SYNE1: variants seen among roughly 807,000 people sequenced by gnomAD.
The protein encoded by SYNE1 is nesprin-1.
SYNE1 carries 616 observed loss-of-function variants against 1,111.0 expected under a neutral mutation model. The observed-to-expected ratio is 0.55, with a 90% CI of 0.52 to 0.59. The LOEUF (loss-of-function observed/expected upper bound fraction) is 0.59, where lower values mean the gene tolerates loss of function less well. SYNE1 is among the 20% of genes least tolerant of loss of function. The probability of loss-of-function intolerance (pLI) is 0.00; values close to 1 mark genes in which losing one functional copy is unlikely to be tolerated. For synonymous variants in SYNE1, 3,855 were observed against 3,825.8 expected (o/e 1.01, Z -0.28); for missense variants, 10,006 against 10,417.0 (o/e 0.96, Z 1.72).
intron 128 of SYNE1, among the ~76,000 whole-genome samples, chr6:152,182,764 G>A (rs2068477375): frequency 1.3e-5 from 2 of 152,286 alleles, no homozygotes; most frequent in African/African-American, 4.8e-5. Flanking sequence ...GCCAGCCTTA[G>A]GCATAGTGAG....
Position 152,256,726 on chromosome 6 carries a change from G to A in SYNE1, c.19012C>T (p.Leu6338=), listed in dbSNP as rs1459880759. 6.2e-7 allele frequency: 1 copy of A among 1,614,040 alleles called. No individual in the cohort carries two copies. Among genetic ancestry groups the A allele is most frequent in the Non-Finnish European group, 8.5e-7 (1 of 1,179,930 alleles). ...RPNRLLSGVP[L]YKGDVPTQDK... is the part of the protein sequence containing the mutation. ...TGGGTTGGCACGTCCCCTTTGTACA[G>A]TGGCACACCAGACAAGAGTCGATTT... Residue 6338 remains leucine (L), a synonymous_variant, in exon 102 of 146, where the codon CTG becomes TTG. Coordinates refer to ENST00000367255, the MANE Select transcript of SYNE1 (RefSeq NM_182961.4).
chr6:152,180,385 TG>T, intron 128 of SYNE1, 91 bp from the exon 129 acceptor site: 3 of 1,243,120 alleles, frequency 2.4e-6, no homozygotes, highest in Non-Finnish European at 3.5e-6. Context: ...AGGACTAAAA[TG>T]AATGATAGTC....
intron 145 of SYNE1, chr6:152,129,151 A>G (rs1358216173): frequency 2.6e-5 from 4 of 152,260 alleles, no homozygotes; most frequent in African/African-American, 4.8e-5. Flanking sequence ...TTGCTGCCCT[A>G]AGAAACGATG....
Position 152,155,329 on chromosome 6 carries a change from C to T in SYNE1, c.23979-287G>A. 2 of 405,060 alleles carry T rather than the reference C, an allele frequency of 4.9e-6. 1 individual carries two copies. The highest frequency in any genetic ancestry group is 4.8e-5 in the South Asian group (2 of 41,656). The allele number at this position is 405,060 out of a possible 1,614,324, so 25.1% of individuals were successfully genotyped here. A position where few individuals can be genotyped will look rare whatever the true frequency, so the allele number is the denominator to read the frequency against. On this transcript the variant is annotated intron_variant, in intron 132 of 145. Transcript: ENST00000367255. ...TCACACGAGCTGCCTTGAATGTGTGCACCAAGTTTAGAAAAGCAACACCAG... is the reference window on the plus strand; with the variant it reads ...TCACACGAGCTGCCTTGAATGTGTGTACCAAGTTTAGAAAAGCAACACCAG...
chr6:152,259,312 C>T (rs1038313968), intron 101 of SYNE1, among the ~76,000 whole-genome samples: 4 of 151,784 alleles, frequency 2.6e-5, no homozygotes, highest in Non-Finnish European at 4.4e-5. Flanking sequence ...TTTCCTTATT[C>T]GGGTTATAGG....
chr6:152,355,407 T>C (rs1419797845), intron 66 of SYNE1, among the ~76,000 whole-genome samples: 1 of 152,240 alleles, frequency 6.6e-6, no homozygotes. Flanking sequence ...ATGAACCTTC[T>C]GCTTCCTAAG....
In SYNE1 at chr6:152,347,132, A is replaced by T. The variant is rs760773194; in HGVS notation, c.12005T>A (p.Leu4002His). 1.9e-6 allele frequency: 3 copies of T among 1,614,156 alleles called. No homozygotes were observed. The highest frequency in any genetic ancestry group is 2.5e-6 in the Non-Finnish European group (3 of 1,180,030). The change falls in exon 73 of 146, where the codon CTT (leucine) becomes CAT (histidine). Residue 4002 changes from leucine to histidine, a missense_variant. By Grantham distance (99) the Leu-to-His change is moderately conservative (BLOSUM62 -3). This residue lies in a region of SYNE1 where 4,955 missense variants were observed against 5,017.2 expected (regional missense o/e 0.99). Transcript: ENST00000367255. ...GQCADHLQAK[L>H]KQNVHAHLQG... ...CAGATGAGCATGCACGTTTTGTTTA[A>T]GTTTCGCTTGCAGGTGGTCTGCACA...
intron 73 of SYNE1, among the ~76,000 whole-genome samples, chr6:152,345,845 T>C (rs2096619387): frequency 6.6e-6 from 1 of 152,240 alleles, no homozygotes. Flanking sequence ...TTACACTTAT[T>C]TCTAAAACAT....
chr6:152,541,316 G>A (rs536132678), intron 3 of SYNE1, among the ~76,000 whole-genome samples: 3 of 152,182 alleles, frequency 2.0e-5, no homozygotes, highest in Admixed American at 6.5e-5. Flanking sequence ...AGTGTTTTAT[G>A]GTTCTTCTGG....
chr6:152,261,834 A>C (rs1356225695), intron 101 of SYNE1, among the ~76,000 whole-genome samples, 198 bp downstream of exon 101: 1 of 152,208 alleles, frequency 6.6e-6, no homozygotes, highest in Admixed American at 6.5e-5. Context: ...TAAATCAAAT[A>C]AATTTTCACA....
chr6:152,384,925 C>A (rs1430627973), intron 55 of SYNE1, among the ~76,000 whole-genome samples: 1 of 151,714 alleles, frequency 6.6e-6, no homozygotes, highest in African/African-American at 2.4e-5. Flanking sequence ...ACAATTGTAA[C>A]CATCAGCTAT....
At chr6:152,568,372 G>A (rs1039546662) in intron 3 of SYNE1, among the ~76,000 whole-genome samples, 1 of 134,770 alleles carries the variant, frequency 7.4e-6, no homozygotes, top group African/African-American at 2.8e-5. Flanking sequence ...GCGAGATCTC[G>A]GCTCACTGCA....
chr6:152,428,353 T>C lies in SYNE1; in HGVS notation c.4828A>G (p.Thr1610Ala), dbSNP rs764423220. 8.1e-6 allele frequency: 13 copies of C among 1,614,028 alleles called. No homozygotes were observed. In the South Asian group the frequency reaches 1.4e-4, roughly 18 times the overall value. The change falls in exon 37 of 146, where the codon ACT becomes GCT. Residue 1610 changes from threonine to alanine, a missense_variant. Physicochemically the swap from Thr to Ala is moderately conservative, Grantham distance 58. Around this residue, in one of 7 missense-constraint regions of SYNE1, gnomAD observed 1,971 missense variants for 2,084.1 expected, o/e 0.95. Transcript: ENST00000367255. ...QALESLSSAI[T>A]AFSASARKVV... The stretch of plus-strand genomic sequence containing the variant: ...TTCCTGGCACTGGCTGAGAAGGCAG[T>C]GATCGCGCTGCTCAGTGACTCCAGG...
intron 126 of SYNE1, among the ~76,000 whole-genome samples, chr6:152,205,965 T>C (rs796333730): frequency 2.0e-5 from 3 of 152,364 alleles, no homozygotes; most frequent in African/African-American, 7.2e-5. Context: ...GAGGTTGTCC[T>C]GAAAAATTAA....
At chr6:152,245,553 T>C (rs17082383) in intron 105 of SYNE1, among the ~76,000 whole-genome samples, 11,730 of 152,242 alleles carry the variant, frequency 0.077, 769 homozygotes, top group African/African-American at 0.17. Flanking sequence ...TTCTCTGGCA[T>C]ATTTTTTCCC....
intron 3 of SYNE1, among the ~76,000 whole-genome samples, chr6:152,541,191 G>T (rs182581270): frequency 6.6e-6 from 1 of 152,282 alleles, no homozygotes; most frequent in East Asian, 1.9e-4. Flanking sequence ...CAGGAACAGC[G>T]TTGAATCTGT....
intron 105 of SYNE1, among the ~76,000 whole-genome samples, chr6:152,246,649 A>G (rs1298799540): frequency 6.6e-6 from 1 of 150,436 alleles, no homozygotes; most frequent in Non-Finnish European, 1.5e-5. Context: ...AAAGAAATGT[A>G]TTAAATAAAT....
At chr6:152,235,915 AT>A (rs1241960764) in intron 110 of SYNE1, among the ~76,000 whole-genome samples, 191 bp downstream of exon 110, 2 of 151,176 alleles carry the variant, frequency 1.3e-5, no homozygotes, top group African/African-American at 4.9e-5. Flanking sequence ...TCCTTTTGTA[AT>A]TTTTTTGTAG....
intron 74 of SYNE1, among the ~76,000 whole-genome samples, chr6:152,343,761 T>A (rs905277384): frequency 1.3e-5 from 2 of 151,878 alleles, no homozygotes; most frequent in Admixed American, 1.3e-4. Context: ...AGAGATGGGG[T>A]TTCACCATGT....
Sources: gnomAD v4.1 joint callset for allele counts (sites outside exome capture counted in the v4.1 genomes callset) on GRCh38, gnomAD v4.1.1 for gene constraint, gnomAD v4.1.1 regional missense constraint, MANE v1.5 for transcripts, NCBI Gene and HGNC (gene_info 2026-07-23, HGNC 2026-07-21) for gene names.